RAB22A: variants seen among roughly 807,000 people sequenced by gnomAD.
The protein encoded by RAB22A is RAB22A, member RAS oncogene family, also known as ras-related protein Rab-22A.
A neutral mutation model predicts 30.2 loss-of-function variants in RAB22A; 13 were observed. The observed-to-expected ratio is 0.43, with a 90% confidence interval of 0.28 to 0.68. The LOEUF is 0.68. RAB22A is among the 30% of genes least tolerant of loss of function. The pLI, the probability that RAB22A is intolerant of heterozygous loss-of-function variation, is 0.18. For synonymous variants in RAB22A, 89 were observed against 87.2 expected, an observed-to-expected ratio of 1.02 and a Z score of -0.11; for missense variants, 177 against 246.8, an observed-to-expected ratio of 0.72 and a Z score of 1.89.
At chr20:58,352,375 A>G (rs773620720) in intron 3 of RAB22A, among the ~76,000 whole-genome samples, 15 of 152,224 alleles carry the variant, frequency 9.9e-5, no homozygotes, top group Non-Finnish European at 1.6e-4. Flanking sequence ...ATGTAAATAC[A>G]GTGTCATCAG....
At chr20:58,351,127 A>G (rs1412113304) in intron 3 of RAB22A, among the ~76,000 whole-genome samples, 1 of 152,106 alleles carries the variant, frequency 6.6e-6, no homozygotes, top group Non-Finnish European at 1.5e-5. Flanking sequence ...ATTTGAGGCC[A>G]GGAGTTCAAG....
chr20:58,323,423 T>G (rs1600726288), intron 2 of RAB22A, among the ~76,000 whole-genome samples: 1 of 152,178 alleles, frequency 6.6e-6, no homozygotes, highest in Non-Finnish European at 1.5e-5. Flanking sequence ...GGGAATTAGT[T>G]TTTTTAATCT....
In RAB22A at chr20:58,361,824, G is replaced by A. The variant is rs750817121; in HGVS notation, c.*2121G>A. ...CACATTTTTTCCACCACACCCACCA[G>A]TAGCTGTTGGTGATTGCATGGTGTC... On this transcript the variant is annotated 3_prime_UTR_variant, in exon 7 of 7. Coordinates refer to ENST00000244040, the MANE Select transcript of RAB22A (RefSeq NM_020673.3). 2 of 152,002 alleles carry A rather than the reference G, an allele frequency of 1.3e-5. No homozygotes were observed. Among genetic ancestry groups the A allele is most frequent in the Non-Finnish European group, 1.5e-5 (1 of 68,010 alleles). 9.4% of individuals were successfully genotyped at this position (152,002 alleles called of 1,614,324 possible). A position where few individuals can be genotyped will look rare whatever the true frequency, so the allele number is the denominator to read the frequency against.
chr20:58,324,969 G>A (rs1178946706), intron 2 of RAB22A, among the ~76,000 whole-genome samples: 2 of 146,344 alleles, frequency 1.4e-5, no homozygotes, highest in African/African-American at 5.2e-5. Context: ...AGGGTCAGGA[G>A]ATCAAGACCA....
intron 2 of RAB22A, 110 bp downstream of exon 2, chr20:58,311,232 C>T (rs1322893673): frequency 4.9e-6 from 5 of 1,013,840 alleles, no homozygotes; most frequent in East Asian, 4.8e-5. Context: ...AATTCTGAGT[C>T]GCTGGTTCGC....
chr20:58,359,778 C>A lies in RAB22A; in HGVS notation c.*75C>A, dbSNP rs1987194812. On this transcript the variant is annotated 3_prime_UTR_variant, in exon 7 of 7. Coordinates refer to ENST00000244040, the MANE Select transcript of RAB22A (RefSeq NM_020673.3). ...TTAACAGGAGGGCTGGGGTCCCTGC[C>A]ACCAGTTTTCACCTAGCCAGTCTTG... 7.9e-7 allele frequency: 1 copy of A among 1,273,592 alleles called. No individual in the cohort carries two copies. Among genetic ancestry groups the A allele is most frequent in the Non-Finnish European group, 1.1e-6 (1 of 894,784 alleles). The allele number at this position is 1,273,592 out of a possible 1,614,324, so 78.9% of individuals were successfully genotyped here. A position where few individuals can be genotyped will look rare whatever the true frequency, so the allele number is the denominator to read the frequency against.
chr20:58,336,612 A>T (rs1011431077), intron 2 of RAB22A, among the ~76,000 whole-genome samples: 8 of 152,262 alleles, frequency 5.3e-5, no homozygotes. Context: ...GTTTAAAAAA[A>T]GAGAGTGATT....
Position 58,365,587 on chromosome 20 carries a change from T to C in RAB22A, c.*5884T>C, listed in dbSNP as rs1439417409. The C allele has an allele frequency of 6.6e-6, 1 of 152,248 alleles. No homozygotes were observed. Among genetic ancestry groups the C allele is most frequent in the Non-Finnish European group, 1.5e-5 (1 of 68,044 alleles). 9.4% of individuals were successfully genotyped at this position (152,248 alleles called of 1,614,324 possible). On this transcript the variant is annotated 3_prime_UTR_variant, in exon 7 of 7. Coordinates refer to ENST00000244040, the MANE Select transcript of RAB22A (RefSeq NM_020673.3). The stretch of plus-strand genomic sequence containing the variant: ...CTTAACGTGGCTCATACACGTGATG[T>C]CAGAGGGACTGGTCAGTTCTTTACA...
intron 2 of RAB22A, among the ~76,000 whole-genome samples, chr20:58,334,604 A>T (rs941394066): frequency 2.4e-4 from 36 of 151,804 alleles, no homozygotes; most frequent in Non-Finnish European, 4.3e-4. Context: ...GTCATTGGAG[A>T]TGTCATGCGT....
intron 2 of RAB22A, among the ~76,000 whole-genome samples, chr20:58,336,193 G>A (rs905941088): frequency 6.6e-6 from 1 of 152,118 alleles, no homozygotes; most frequent in African/African-American, 2.4e-5. Context: ...TGTATTTTTA[G>A]TAGAGATGGG....
rs1170176126 is a variant in RAB22A at position 58,361,314 on chromosome 20, C to T, written c.*1611C>T. On this transcript the variant is annotated 3_prime_UTR_variant, in exon 7 of 7. Transcript: ENST00000244040. ...AAATAATTGGTATTATTTTGTGCCC[C>T]CCACTTAATATGGATAGATTTTAAT... 6.6e-6 allele frequency: 1 copy of T among 152,456 alleles called. No homozygotes were observed. Among genetic ancestry groups the T allele is most frequent in the Non-Finnish European group, 1.5e-5 (1 of 68,008 alleles). The allele number at this position is 152,456 out of a possible 1,614,324, so 9.4% of individuals were successfully genotyped here. A position where few individuals can be genotyped will look rare whatever the true frequency, so the allele number is the denominator to read the frequency against.
At chr20:58,312,613 C>A (rs859490) in intron 2 of RAB22A, among the ~76,000 whole-genome samples, 6 of 149,822 alleles carry the variant, frequency 4.0e-5, no homozygotes, top group African/African-American at 4.9e-5. Context: ...CTCAGCCTCC[C>A]GAGTAGCTGG....
Position 58,362,995 on chromosome 20 carries a change from T to G in RAB22A, c.*3292T>G, listed in dbSNP as rs1391058822. 2.0e-5 allele frequency: 3 copies of G among 152,242 alleles called. No individual in the cohort carries two copies. Among genetic ancestry groups the G allele is most frequent in the Non-Finnish European group, 4.4e-5 (3 of 68,044 alleles). 9.4% of individuals were successfully genotyped at this position (152,242 alleles called of 1,614,324 possible). On this transcript the variant is annotated 3_prime_UTR_variant, in exon 7 of 7. Coordinates refer to ENST00000244040, the MANE Select transcript of RAB22A (RefSeq NM_020673.3). ...TCAGAACTTCTCTTTACGTCTTGTA[T>G]GTATTTCTTTTCTGTTCTCAAGGAG... is the stretch of plus-strand genomic sequence containing the variant.
chr20:58,353,365 T>G (rs765980750), intron 4 of RAB22A, 21 bp downstream of exon 4: 2 of 1,611,012 alleles, frequency 1.2e-6, no homozygotes, highest in Admixed American at 1.7e-5. Flanking sequence ...ATAGTTTTCT[T>G]TAGATTGTTT....
chr20:58,317,775 T>G (rs984863227), intron 2 of RAB22A, among the ~76,000 whole-genome samples: 4 of 151,514 alleles, frequency 2.6e-5, no homozygotes, highest in Admixed American at 1.3e-4. Flanking sequence ...CTTGATCTCC[T>G]GACCTCGTGA....
intron 2 of RAB22A, among the ~76,000 whole-genome samples, chr20:58,313,831 A>G (rs1986279756): frequency 6.6e-6 from 1 of 152,108 alleles, no homozygotes; most frequent in African/African-American, 2.4e-5. Flanking sequence ...AGTCACACCC[A>G]ATTATTTACT....
Position 58,325,188 on chromosome 20 carries a change from A to C in RAB22A, c.116+14066A>C, listed in dbSNP as rs1367359498. 3.3e-5 allele frequency among the ~76,000 whole-genome samples: 5 copies of C among 150,234 alleles called. No homozygotes were observed. In the East Asian group the frequency reaches 9.8e-4, roughly 29 times the overall value. On this transcript the variant is annotated intron_variant, in intron 2 of 6. Coordinates refer to ENST00000244040, the MANE Select transcript of RAB22A (RefSeq NM_020673.3). ...GAGACTCCATCTCAAAAAAAAAAAA[A>C]AAACTTTAGGCTAGGCGCAGTGGCT...
intron 2 of RAB22A, among the ~76,000 whole-genome samples, chr20:58,324,721 G>C (rs1374849984): frequency 6.6e-6 from 1 of 151,260 alleles, no homozygotes; most frequent in East Asian, 1.9e-4. Context: ...ACAAAAATTA[G>C]CTGGGCATGG....
Position 58,367,092 on chromosome 20 carries a change from A to G in RAB22A, c.*7389A>G, listed in dbSNP as rs1987333269. On this transcript the variant is annotated 3_prime_UTR_variant, in exon 7 of 7. Coordinates refer to ENST00000244040, the MANE Select transcript of RAB22A (RefSeq NM_020673.3). The stretch of plus-strand genomic sequence containing the variant: ...TGGCCGCTTTGTAGCACTATTATAA[A>G]CAGCCCAAATTTATGGCCTTGGACT... 1 of 152,654 alleles carries G rather than the reference A, an allele frequency of 6.6e-6. No individual in the cohort carries two copies. The highest frequency in any genetic ancestry group is 6.5e-5 in the Admixed American group (1 of 15,282). 9.5% of individuals were successfully genotyped at this position (152,654 alleles called of 1,614,324 possible). A position where few individuals can be genotyped will look rare whatever the true frequency, so the allele number is the denominator to read the frequency against.
Sources: allele counts gnomAD v4.1 joint callset (sites outside exome capture counted in the v4.1 genomes callset), GRCh38; gene constraint gnomAD v4.1.1; transcripts MANE v1.5; gene names NCBI Gene and HGNC (gene_info 2026-07-23, HGNC 2026-07-21).